Variants in DENND1B observed in about 807,000 individuals in gnomAD.
DENND1B encodes the protein DENN domain-containing protein 1B.
In DENND1B, 59 loss-of-function variants were observed where a neutral mutation model predicts 90.1. The observed-to-expected ratio is 0.65, with a 90% CI of 0.53 to 0.81. The LOEUF is 0.81. DENND1B is among the 40% of genes least tolerant of loss of function. The pLI, the probability that DENND1B is intolerant of heterozygous loss-of-function variation, is 0.00. For missense variants in DENND1B, 862 were observed against 912.6 expected, an observed-to-expected ratio of 0.94 and a Z score of 0.71; for synonymous variants, 337 against 324.6, an observed-to-expected ratio of 1.04 and a Z score of -0.41.
intron 10 of DENND1B, among the ~76,000 whole-genome samples, chr1:197,621,866 C>T (rs1298609585): frequency 6.6e-6 from 1 of 151,398 alleles, no homozygotes; most frequent in Non-Finnish European, 1.5e-5. Flanking sequence ...AAAAAAATTT[C>T]TTATCTTTAT....
chr1:197,765,923 C>T (rs1428501630), intron 2 of DENND1B, among the ~76,000 whole-genome samples: 1 of 152,158 alleles, frequency 6.6e-6, no homozygotes, highest in African/African-American at 2.4e-5. Context: ...TTGCTTTTTA[C>T]ACTTGCAGGC....
At chr1:197,555,960 C>CT (rs2125692700) in intron 15 of DENND1B, among the ~76,000 whole-genome samples, 1 of 152,178 alleles carries the variant, frequency 6.6e-6, no homozygotes, top group South Asian at 2.1e-4. Flanking sequence ...ACCCAGCTGC[C>CT]TTTTACCAGC....
chr1:197,507,091 C>CTT lies in DENND1B; in HGVS notation c.*3367_*3368dup, dbSNP rs967245174. The stretch of plus-strand genomic sequence containing the variant: ...TTAAATTAAGCAGCCAGTTTTTGTT[C>CTT]TTTTTTTTTGAACTTTTTGTGTGTT... On this transcript the variant is annotated 3_prime_UTR_variant, in exon 23 of 23. Transcript: ENST00000620048. The CTT allele has an allele frequency of 6.7e-6, 1 of 149,020 alleles. No homozygotes were observed. The highest frequency in any genetic ancestry group is 1.5e-5 in the Non-Finnish European group (1 of 66,836). The allele number at this position is 149,020 out of a possible 1,614,324, so 9.2% of individuals were successfully genotyped here.
chr1:197,671,654 T>C (rs1655516248), intron 5 of DENND1B, among the ~76,000 whole-genome samples: 1 of 152,174 alleles, frequency 6.6e-6, no homozygotes, highest in Non-Finnish European at 1.5e-5. Context: ...TTGCAACCTC[T>C]GTCTTAAAGC....
At chr1:197,547,326 C>T (rs551935491) in intron 16 of DENND1B, among the ~76,000 whole-genome samples, 1 of 151,952 alleles carries the variant, frequency 6.6e-6, no homozygotes, top group South Asian at 2.1e-4. Flanking sequence ...CAAAGAACCC[C>T]TAAAACATAC....
chr1:197,530,495 A>T (rs987668523), intron 20 of DENND1B, among the ~76,000 whole-genome samples: 1 of 152,206 alleles, frequency 6.6e-6, no homozygotes, highest in East Asian at 1.9e-4. Flanking sequence ...CTAAACTTAT[A>T]AATAAGATAT....
intron 18 of DENND1B, among the ~76,000 whole-genome samples, chr1:197,541,555 A>C (rs561311559): frequency 1.3e-5 from 2 of 152,324 alleles, no homozygotes; most frequent in Admixed American, 1.3e-4. Context: ...CATGTTTCAC[A>C]GGGAACCTGG....
chr1:197,624,569 C>A (rs1168585912), intron 10 of DENND1B, among the ~76,000 whole-genome samples: 3 of 151,454 alleles, frequency 2.0e-5, no homozygotes, highest in Non-Finnish European at 3.0e-5. Flanking sequence ...AATTGATAAG[C>A]TGGATTTCAT....
chr1:197,561,079 G>C lies in DENND1B; in HGVS notation c.1150-7967C>G, dbSNP rs141995013. Reference sequence around the variant, plus strand: ...TGAATATAGTTTTATTTCTTAACTAGATCTTCCCAGCAGCATACAAACATG... The same window carrying C: ...TGAATATAGTTTTATTTCTTAACTACATCTTCCCAGCAGCATACAAACATG... On this transcript the variant is annotated intron_variant, in intron 15 of 22. Coordinates refer to ENST00000620048, the MANE Select transcript of DENND1B (RefSeq NM_001195215.2). Among the ~76,000 whole-genome samples the C allele has an allele frequency of 1.1e-4, 16 of 151,814 alleles. No homozygotes were observed. The East Asian group carries it at 3.1e-3, about 29-fold the overall frequency.
chr1:197,578,888 C>T (rs1270768204), intron 15 of DENND1B, among the ~76,000 whole-genome samples: 4 of 151,898 alleles, frequency 2.6e-5, no homozygotes, highest in African/African-American at 9.7e-5. Flanking sequence ...GTTAGCCTCA[C>T]ATAGTAGCTA....
chr1:197,545,263 G>A (rs1024054861), intron 18 of DENND1B, among the ~76,000 whole-genome samples: 1 of 152,074 alleles, frequency 6.6e-6, no homozygotes, highest in South Asian at 2.1e-4. Context: ...AAATTAGCCA[G>A]GCATGGTGGT....
At chr1:197,522,217 A>G (rs148062457) in intron 20 of DENND1B, among the ~76,000 whole-genome samples, 49 of 152,232 alleles carry the variant, frequency 3.2e-4, no homozygotes, top group African/African-American at 1.2e-3. Context: ...TATGCTGAAA[A>G]CATACGTGTC....
chr1:197,713,801 T>TATAATCTATTATA (rs1483373450), intron 3 of DENND1B, among the ~76,000 whole-genome samples: 1 of 32,586 alleles, frequency 3.1e-5, no homozygotes, highest in Non-Finnish European at 5.8e-5. Flanking sequence ...TATTATTATA[T>TATAATCTATTATA]TATAATATAT....
chr1:197,696,139 T>A (rs990940310), intron 3 of DENND1B, among the ~76,000 whole-genome samples: 1 of 151,396 alleles, frequency 6.6e-6, no homozygotes, highest in Admixed American at 6.6e-5. Flanking sequence ...CTGAGTAGAC[T>A]GGATTTAATG....
intron 11 of DENND1B, among the ~76,000 whole-genome samples, chr1:197,616,435 C>G (rs1337527543): frequency 2.6e-5 from 4 of 150,962 alleles, no homozygotes; most frequent in Non-Finnish European, 5.9e-5. Flanking sequence ...AACTACATTC[C>G]TATAGTTTCC....
At chr1:197,587,868 T>A (rs760066722) in intron 14 of DENND1B, among the ~76,000 whole-genome samples, 1 of 152,058 alleles carries the variant, frequency 6.6e-6, no homozygotes, top group Non-Finnish European at 1.5e-5. Flanking sequence ...TGCAACTAGA[T>A]GGTCTTATCT....
chr1:197,652,212 A>C, intron 7 of DENND1B, 23 bp downstream of exon 7: 2 of 1,600,642 alleles, frequency 1.2e-6, no homozygotes, highest in Non-Finnish European at 1.7e-6. Flanking sequence ...ACTCCCAAAA[A>C]CAATTACTGA....
upstream of DENND1B, among the ~76,000 whole-genome samples, chr1:197,777,564 C>T (rs1428353544): frequency 1.3e-5 from 2 of 152,198 alleles, no homozygotes; most frequent in East Asian, 3.9e-4. Flanking sequence ...TTAATGAAAT[C>T]GATGGTATAA....
rs959704125 is a variant in DENND1B at position 197,505,480 on chromosome 1, T to A, written c.*4980A>T. On this transcript the variant is annotated 3_prime_UTR_variant, in exon 23 of 23. Transcript: ENST00000620048. ...CAATATTTTAAAATAAAAGATTGAA[T>A]AACTTTACTTCATTCAACTAAAATG... 8 of 151,768 alleles carry A rather than the reference T, an allele frequency of 5.3e-5. No homozygotes were observed. Among genetic ancestry groups the A allele is most frequent in the African/African-American group, 1.9e-4 (8 of 41,496 alleles). 9.4% of individuals were successfully genotyped at this position (151,768 alleles called of 1,614,324 possible).
Sources: gnomAD v4.1 joint callset for allele counts (sites outside exome capture counted in the v4.1 genomes callset) on GRCh38, gnomAD v4.1.1 for gene constraint, MANE v1.5 for transcripts, NCBI Gene and HGNC (gene_info 2026-07-23, HGNC 2026-07-21) for gene names.